Variants in CDH23 observed in about 807,000 individuals in gnomAD.
CDH23 encodes cadherin-23.
In CDH23, 189 loss-of-function variants were observed where a neutral mutation model predicts 317.1. That is an observed-to-expected ratio of 0.60 (90% confidence interval 0.53 to 0.67). CDH23 has a LOEUF of 0.67. Ranked by LOEUF, CDH23 falls within the 30% of genes least tolerant of loss-of-function variation. CDH23 has a pLI of 0.00. For missense variants in CDH23, 4,401 were observed against 4,592.4 expected (o/e 0.96, Z 1.20); for synonymous variants, 1,839 against 1,876.8 (o/e 0.98, Z 0.52).
In CDH23 at chr10:71,529,735, C is replaced by T. The variant is rs537725715; in HGVS notation, c.429+18523C>T. 7.9e-5 allele frequency among the ~76,000 whole-genome samples: 12 copies of T among 152,222 alleles called. No homozygotes were observed. The East Asian group carries it at 1.9e-3, about 25-fold the overall frequency. On this transcript the variant is annotated intron_variant, in intron 6 of 69. Transcript: ENST00000224721. ...AAGACTGTCTCTCCCTTACTCGCCC[C>T]CAGCTCCACCTGGCTGGGTGGCTCC...
chr10:71,462,627 C>T (rs1049038602), intron 3 of CDH23, among the ~76,000 whole-genome samples: 1 of 152,234 alleles, frequency 6.6e-6, no homozygotes, highest in Non-Finnish European at 1.5e-5. Context: ...AGCCTCAGCT[C>T]TCTTATCTGT....
At chr10:71,505,198 T>A (rs1853567484) in intron 3 of CDH23, among the ~76,000 whole-genome samples, 1 of 152,092 alleles carries the variant, frequency 6.6e-6, no homozygotes, top group Non-Finnish European at 1.5e-5. Flanking sequence ...TAAAGATGCG[T>A]TATTGTCAAC....
At chr10:71,530,261 G>A (rs547417663) in intron 6 of CDH23, among the ~76,000 whole-genome samples, 129 of 152,290 alleles carry the variant, frequency 8.5e-4, no homozygotes, top group Non-Finnish European at 1.4e-3. Flanking sequence ...CTCCTTGGGG[G>A]CTCTGGACCC....
chr10:71,673,859 G>A (rs900546587), intron 14 of CDH23, among the ~76,000 whole-genome samples: 2 of 152,236 alleles, frequency 1.3e-5, no homozygotes, highest in Non-Finnish European at 2.9e-5. Flanking sequence ...CAGGCAGTGG[G>A]AGAGGCCCCG....
At chr10:71,675,839 G>A (rs564499205) in intron 15 of CDH23, among the ~76,000 whole-genome samples, 2 of 151,014 alleles carry the variant, frequency 1.3e-5, no homozygotes, top group Admixed American at 6.6e-5. Context: ...ATTGGTCCGG[G>A]CTTGATTTTG....
intron 9 of CDH23, among the ~76,000 whole-genome samples, chr10:71,594,898 A>G (rs1052063086): frequency 5.2e-4 from 79 of 152,312 alleles, no homozygotes; most frequent in Middle Eastern, 3.4e-3. Context: ...TCATAGACAT[A>G]TATATACAGC....
chr10:71,734,634 C>T (rs2132832350), intron 33 of CDH23, 22 bp from the exon 34 acceptor site: 1 of 1,512,210 alleles, frequency 6.6e-7, no homozygotes. Flanking sequence ...CACTCCCCTC[C>T]TGCTGCTGCC....
intron 14 of CDH23, among the ~76,000 whole-genome samples, chr10:71,663,534 G>A (rs189089139): frequency 1.5e-3 from 226 of 152,264 alleles, no homozygotes; most frequent in Non-Finnish European, 2.4e-3. Flanking sequence ...CACCATCCTT[G>A]GACTTTTAAC....
chr10:71,652,546 C>T (rs1399188107), intron 14 of CDH23, among the ~76,000 whole-genome samples: 1 of 152,186 alleles, frequency 6.6e-6, no homozygotes, highest in Admixed American at 6.5e-5. Flanking sequence ...GTGGACAAGC[C>T]CAGCTCTGCC....
At chr10:71,682,248 G>A (rs541101944) in intron 17 of CDH23, among the ~76,000 whole-genome samples, 197 bp from the exon 18 acceptor site, 32 of 152,320 alleles carry the variant, frequency 2.1e-4, no homozygotes, top group African/African-American at 7.7e-4. Flanking sequence ...CACCTGGTGG[G>A]CGCAGCACAG....
intron 13 of CDH23, among the ~76,000 whole-genome samples, 160 bp downstream of exon 13, chr10:71,646,140 G>A (rs371302682): frequency 1.3e-5 from 2 of 152,190 alleles, no homozygotes; most frequent in African/African-American, 4.8e-5. Context: ...GGCAGGGGCC[G>A]GGCTGAGTCT....
intron 3 of CDH23, among the ~76,000 whole-genome samples, chr10:71,498,581 A>G (rs1853102283): frequency 6.6e-6 from 1 of 152,256 alleles, no homozygotes; most frequent in African/African-American, 2.4e-5. Flanking sequence ...CAGCAGTACC[A>G]GGGACAGCAG....
At chr10:71,676,237 C>T (rs1243841248) in intron 15 of CDH23, among the ~76,000 whole-genome samples, 2 of 151,918 alleles carry the variant, frequency 1.3e-5, no homozygotes, top group Non-Finnish European at 2.9e-5. Flanking sequence ...TCGAAGGCCA[C>T]GTGTCTGATG....
intron 6 of CDH23, among the ~76,000 whole-genome samples, chr10:71,556,640 T>C (rs1856890068): frequency 6.6e-6 from 1 of 151,478 alleles, no homozygotes; most frequent in Non-Finnish European, 1.5e-5. Context: ...GGTGCAGCCA[T>C]AGGGAAAAAC....
At chr10:71,525,773 C>A (rs918513086) in intron 6 of CDH23, among the ~76,000 whole-genome samples, 2 of 152,140 alleles carry the variant, frequency 1.3e-5, no homozygotes, top group Non-Finnish European at 2.9e-5. Context: ...TCCTGGGAAA[C>A]CTGGCTTCTT....
rs565903258 is a variant in CDH23, at chr10:71,605,418, A to G, written c.833-10086A>G. On this transcript the variant is annotated intron_variant, in intron 9 of 69. Coordinates refer to ENST00000224721, the MANE Select transcript of CDH23 (RefSeq NM_022124.6). ...ATATCTGGGGGAAAGTGCTACCAGC[A>G]TCTAGTGGGTAGAGGCCAGGGGTGC... Among the ~76,000 whole-genome samples, 29 of 152,338 alleles carry G rather than the reference A, an allele frequency of 1.9e-4. 1 individual carries two copies. In the South Asian group the frequency reaches 6.0e-3, roughly 32 times the overall value.
At chr10:71,805,699 T>G in intron 55 of CDH23, 107 bp from the exon 56 acceptor site, 1 of 1,162,998 alleles carries the variant, frequency 8.6e-7, no homozygotes, top group Non-Finnish European at 1.2e-6. Flanking sequence ...CTGTAAGCTG[T>G]TGAGGACATT....
intron 1 of CDH23, among the ~76,000 whole-genome samples, chr10:71,431,150 C>T (rs116040456): frequency 0.023 from 3,451 of 152,262 alleles, 131 homozygotes; most frequent in African/African-American, 0.078. Flanking sequence ...TTATTTACTA[C>T]GTCCGTACAC....
chr10:71,418,347 A>C (rs929696514), intron 1 of CDH23, among the ~76,000 whole-genome samples: 1 of 152,214 alleles, frequency 6.6e-6, no homozygotes, highest in Admixed American at 6.5e-5. Flanking sequence ...ATCTTAATCC[A>C]GTCAGGGCCT....
Sources: gnomAD v4.1 joint callset for allele counts (sites outside exome capture counted in the v4.1 genomes callset) on GRCh38, gnomAD v4.1.1 for gene constraint, MANE v1.5 for transcripts, NCBI Gene and HGNC (gene_info 2026-07-23, HGNC 2026-07-21) for gene names.